The following NUDT14 variants were observed in gnomAD, a reference collection of about 807,000 sequenced individuals.
The protein encoded by NUDT14 is nudix hydrolase 14, also known as uridine diphosphate glucose pyrophosphatase NUDT14.
A neutral mutation model predicts 17.5 loss-of-function variants in NUDT14; 22 were observed. The observed-to-expected ratio is 1.26, with a 90% CI of 0.90 to 1.80. NUDT14 has a LOEUF of 1.80. Among genes scored for constraint, NUDT14 ranks in the 40% most tolerant of loss-of-function variants. The pLI is 0.00. For synonymous variants in NUDT14, 129 were observed against 125.8 expected, an observed-to-expected ratio of 1.03 and a Z score of -0.17; for missense variants, 296 against 295.6, an observed-to-expected ratio of 1.00 and a Z score of -0.01.
chr14:105,180,301 A>C (rs1889299645), intron 1 of NUDT14, among the ~76,000 whole-genome samples: 1 of 152,262 alleles, frequency 6.6e-6, no homozygotes, highest in Non-Finnish European at 1.5e-5. Flanking sequence ...TCGTCTCTAC[A>C]AAAAAATTTA....
chr14:105,174,539 G>A (rs1336215041), intron 4 of NUDT14, among the ~76,000 whole-genome samples: 1 of 152,022 alleles, frequency 6.6e-6, no homozygotes, highest in African/African-American at 2.4e-5. Context: ...CCCCACCTCC[G>A]GGGGGACTCA....
intron 4 of NUDT14, among the ~76,000 whole-genome samples, chr14:105,174,170 A>G (rs977134080): frequency 6.6e-6 from 1 of 152,106 alleles, no homozygotes; most frequent in Non-Finnish European, 1.5e-5. Context: ...CTCAGTGGGC[A>G]GTGGCCAGAA....
chr14:105,180,399 T>C (rs1290453272), intron 1 of NUDT14, among the ~76,000 whole-genome samples: 1 of 151,992 alleles, frequency 6.6e-6, no homozygotes, highest in Non-Finnish European at 1.5e-5. Flanking sequence ...GCCCAGGAGG[T>C]TGAGGCTGCA....
At chr14:105,178,687 G>T (rs981895131) in intron 1 of NUDT14, among the ~76,000 whole-genome samples, 1 of 152,226 alleles carries the variant, frequency 6.6e-6, no homozygotes, top group African/African-American at 2.4e-5. Flanking sequence ...CGGGGGCTCT[G>T]CCCAGGGCTG....
Position 105,173,546 on chromosome 14 carries a change from G to C in NUDT14, c.429-285C>G. 3.2e-6 allele frequency: 1 copy of C among 308,070 alleles called. No homozygotes were observed. Among genetic ancestry groups the C allele is most frequent in the East Asian group, 5.0e-5 (1 of 19,976 alleles). 19.1% of individuals were successfully genotyped at this position (308,070 alleles called of 1,614,324 possible). Reference sequence around the variant, plus strand: ...CCGGTGACTTGAGCTCATCAGAAGGGAGAGCATCCTAGGCGGGCATGGCCC... The same window carrying C: ...CCGGTGACTTGAGCTCATCAGAAGGCAGAGCATCCTAGGCGGGCATGGCCC... On this transcript the variant is annotated intron_variant, in intron 4 of 4. Coordinates refer to ENST00000392568, the MANE Select transcript of NUDT14 (RefSeq NM_177533.5). This position sits in a 1 kb window ranked among gnomAD's most constrained non-coding sequence, Gnocchi z 4.7.
intron 4 of NUDT14, chr14:105,175,791 GC>G: frequency 9.8e-7 from 1 of 1,019,416 alleles, no homozygotes; most frequent in Non-Finnish European, 1.2e-6. Flanking sequence ...AGGTGGGAGG[GC>G]CCCAGGCTCA....
chr14:105,176,762 G>A lies in NUDT14; in HGVS notation c.200C>T (p.Ala67Val), dbSNP rs761912638. ...TGGGAAGCGGCGCTCCACCTCACCCGCATACACAGCTGCGTGGGAAGAAGC... is the reference window on the plus strand; with the variant it reads ...TGGGAAGCGGCGCTCCACCTCACCCACATACACAGCTGCGTGGGAAGAAGC... ...LVKQFRPAVYAGEVERRFPGS... is the reference protein window; with the variant it reads ...LVKQFRPAVYVGEVERRFPGS... The change falls in exon 4 of 5, where the codon GCG becomes GTG. Residue 67 changes from alanine to valine, a missense_variant. Coordinates refer to ENST00000392568, the MANE Select transcript of NUDT14 (RefSeq NM_177533.5). The A allele has an allele frequency of 1.9e-5, 30 of 1,611,858 alleles. No individual in the cohort carries two copies. The highest frequency in any genetic ancestry group is 4.5e-5 in the East Asian group (2 of 44,882).
Position 105,176,583 on chromosome 14 carries a change from A to G in NUDT14, c.379T>C (p.Cys127Arg). The G allele has an allele frequency of 6.2e-7, 1 of 1,611,900 alleles. No homozygotes were observed. Among genetic ancestry groups the G allele is most frequent in the Non-Finnish European group, 8.5e-7 (1 of 1,179,760 alleles). Residue 127 changes from cysteine (C) to arginine (R), a missense_variant, in exon 4 of 5, where the codon TGT becomes CGT. Transcript: ENST00000392568. ...EVACKEAWEE[C>R]GYHLAPSDLR... ...TCAGAGGGGGCCAAGTGGTAGCCAC[A>G]CTCCTCCCAAGCCTCCTTGCAAGCC...
intron 2 of NUDT14, chr14:105,177,336 G>A (rs781466933): frequency 1.1e-4 from 65 of 567,480 alleles, no homozygotes; most frequent in African/African-American, 7.1e-4. Context: ...CTGACAGGAC[G>A]TTTGGCCCTC....
chr14:105,177,298 C>T, intron 2 of NUDT14: 1 of 612,720 alleles, frequency 1.6e-6, no homozygotes, highest in East Asian at 2.9e-5. Flanking sequence ...CTGAGTAGGT[C>T]AGGGTGCTCG....
chr14:105,174,932 C>T (rs755254642), intron 4 of NUDT14, among the ~76,000 whole-genome samples: 1 of 152,190 alleles, frequency 6.6e-6, no homozygotes, highest in Non-Finnish European at 1.5e-5. Context: ...ACTTTGCTGT[C>T]AGTCCAGCCC....
rs1031162906 is a variant in NUDT14, at chr14:105,179,080, T to C, written c.82-1345A>G. 9.5e-4 allele frequency among the ~76,000 whole-genome samples: 144 copies of C among 152,016 alleles called. 1 individual carries two copies. Among genetic ancestry groups the C allele is most frequent in the Admixed American group, 4.6e-4 (7 of 15,288 alleles). On this transcript the variant is annotated intron_variant, in intron 1 of 4. Transcript: ENST00000392568. ...ATGTGCCTGCTGTGCCCATGCCCCT[T>C]CCCCACCACTGCTTCCCCCCGAGTA...
chr14:105,181,245 C>T lies in NUDT14; in HGVS notation c.-36G>A. ...GGACAGGCGGGGGCCGCGAGCTCTG[C>T]GGGGGCCGACACGGGGCGGCGCCCT... On this transcript the variant is annotated 5_prime_UTR_variant, in exon 1 of 5. Transcript: ENST00000392568. This position sits in a 1 kb window ranked among gnomAD's most constrained non-coding sequence, Gnocchi z 5.0. 2.7e-6 allele frequency: 1 copy of T among 374,246 alleles called. No homozygotes were observed. Among genetic ancestry groups the T allele is most frequent in the South Asian group, 8.5e-5 (1 of 11,714 alleles). The allele number at this position is 374,246 out of a possible 1,614,324, so 23.2% of individuals were successfully genotyped here.
At chr14:105,178,909 C>T (rs1031633054) in intron 1 of NUDT14, among the ~76,000 whole-genome samples, 12 of 152,038 alleles carry the variant, frequency 7.9e-5, no homozygotes, top group South Asian at 4.1e-4. Context: ...AAGGGAGGGC[C>T]GGCGTCCCGC....
In NUDT14 at chr14:105,173,472, T is replaced by G; in HGVS notation, c.429-211A>C. 1 of 437,802 alleles carries G rather than the reference T, an allele frequency of 2.3e-6. No individual in the cohort carries two copies. The highest frequency in any genetic ancestry group is 4.2e-5 in the Admixed American group (1 of 23,768). 27.1% of individuals were successfully genotyped at this position (437,802 alleles called of 1,614,324 possible). ...CAGGGCATCCCTTCCCTGATCACGTTGTACTCGCCAGGTGGGGTGGGTGTT... is the reference window on the plus strand; with the variant it reads ...CAGGGCATCCCTTCCCTGATCACGTGGTACTCGCCAGGTGGGGTGGGTGTT... On this transcript the variant is annotated intron_variant, in intron 4 of 4. Coordinates refer to ENST00000392568, the MANE Select transcript of NUDT14 (RefSeq NM_177533.5). This position sits in a 1 kb window ranked among gnomAD's most constrained non-coding sequence, Gnocchi z 4.7.
chr14:105,177,607 A>C, intron 2 of NUDT14, 85 bp downstream of exon 2: 1 of 1,285,042 alleles, frequency 7.8e-7, no homozygotes, highest in Non-Finnish European at 1.1e-6. Flanking sequence ...GTCAGGGAGG[A>C]GAGGGCACCT....
chr14:105,177,817 C>T (rs1425595930), intron 1 of NUDT14, 82 bp from the exon 2 acceptor site: 16 of 1,289,392 alleles, frequency 1.2e-5, no homozygotes, highest in Non-Finnish European at 1.7e-5. Context: ...AGACCCATTG[C>T]ACCCACTCCT....
At position 105,177,694 on chromosome 14, in the gene NUDT14, G is replaced by A. The variant is rs760202132; in HGVS notation, c.123C>T (p.Asp41=). 3 of 1,612,302 alleles carry A rather than the reference G, an allele frequency of 1.9e-6. No individual in the cohort carries two copies. The Admixed American group carries it at 5.0e-5, about 27-fold the overall frequency. The part of the protein sequence containing the change: ...QKSWDFMKTH[D]SVTVLLFNSS... The stretch of plus-strand genomic sequence containing the variant: ...GCCAGGCTGGGCCAGGCTCTCACCT[G>A]TCATGCGTCTTCATGAAGTCCCAGG... Residue 41 remains aspartate (D), a splice_region_variant and synonymous_variant, in exon 2 of 5, where the codon GAC becomes GAT. Transcript: ENST00000392568.
At chr14:105,177,965 G>A (rs1889252682) in intron 1 of NUDT14, among the ~76,000 whole-genome samples, 1 of 152,074 alleles carries the variant, frequency 6.6e-6, no homozygotes, top group African/African-American at 2.4e-5. Flanking sequence ...AGAAGACCAG[G>A]GCAAAGGGCA....
Sources: allele counts gnomAD v4.1 joint callset (sites outside exome capture counted in the v4.1 genomes callset), GRCh38; gene constraint gnomAD v4.1.1; non-coding constraint Gnocchi (gnomAD v3.1); transcripts MANE v1.5; gene names NCBI Gene and HGNC (gene_info 2026-07-23, HGNC 2026-07-21).